Variants in CNTNAP3B observed in about 807,000 individuals in gnomAD.
The protein encoded by CNTNAP3B is contactin associated protein family member 3B.
In CNTNAP3B, 25 loss-of-function variants were observed where a neutral mutation model predicts 108.9. The observed-to-expected ratio is 0.23, with a 90% confidence interval of 0.17 to 0.32. The LOEUF is 0.32. CNTNAP3B is among the 10% of genes least tolerant of loss of function. CNTNAP3B has a pLI of 1.00. For missense variants in CNTNAP3B, 252 were observed against 1,210.4 expected (o/e 0.21, Z 11.75); for synonymous variants, 103 against 473.4 (o/e 0.22, Z 10.16).
At chr9:41,981,912 AT>A (rs2118311365) in intron 9 of CNTNAP3B, among the ~76,000 whole-genome samples, 1 of 44,186 alleles carries the variant, frequency 2.3e-5, no homozygotes, top group Non-Finnish European at 5.0e-5. Flanking sequence ...AATAATAATA[AT>A]AATAAATTAG....
chr9:41,977,857 TC>T (rs1359266282), intron 9 of CNTNAP3B, among the ~76,000 whole-genome samples: 3 of 141,874 alleles, frequency 2.1e-5, no homozygotes, highest in Non-Finnish European at 4.6e-5. Flanking sequence ...GGTCTCGATC[TC>T]CTGACCTTGT....
rs567353232 is a variant in CNTNAP3B at position 42,118,139 on chromosome 9, C to T, written c.85+10871G>A. ...CCATTCCTTCTGAAACTATTCCAAT[C>T]AACAGAAAAAGAGGGAATCCTTCCT... is the stretch of plus-strand genomic sequence containing the variant. On this transcript the variant is annotated intron_variant, in intron 1 of 23. Transcript: ENST00000377561. Among the ~76,000 whole-genome samples, 482 of 139,070 alleles carry T rather than the reference C, an allele frequency of 3.5e-3. 73 individuals are homozygous for T. Among genetic ancestry groups the T allele is most frequent in the Non-Finnish European group, 6.0e-3 (390 of 64,856 alleles). 91.2% of individuals were successfully genotyped at this position (139,070 alleles called of 152,430 possible).
rs200918128 is a variant in CNTNAP3B at position 41,964,874 on chromosome 9, C to T, written c.1650-230G>A. 2.0e-4 allele frequency among the ~76,000 whole-genome samples: 31 copies of T among 152,370 alleles called. No homozygotes were observed. In the East Asian group the frequency reaches 4.6e-3, roughly 23 times the overall value. The stretch of plus-strand genomic sequence containing the variant: ...TTCTGTGACAGCTGAATTTTCAACA[C>T]ATTTCTTTTTTTCTTTGTCCCAAGT... On this transcript the variant is annotated intron_variant, in intron 10 of 23. Transcript: ENST00000377561.
intron 2 of CNTNAP3B, among the ~76,000 whole-genome samples, chr9:42,096,019 G>A (rs1321370778): frequency 7.2e-6 from 1 of 138,768 alleles, no homozygotes; most frequent in African/African-American, 2.9e-5. Context: ...ACCTCAGGCA[G>A]GAACATGGTC....
intron 1 of CNTNAP3B, among the ~76,000 whole-genome samples, chr9:42,114,793 T>A (rs1828276284): frequency 7.3e-6 from 1 of 137,484 alleles, no homozygotes; most frequent in Admixed American, 7.3e-5. Context: ...AAGGAAAGAA[T>A]ATTTACAGTG....
At chr9:41,933,971 T>C (rs1353365800) in intron 14 of CNTNAP3B, among the ~76,000 whole-genome samples, 3 of 142,254 alleles carry the variant, frequency 2.1e-5, no homozygotes, top group Non-Finnish European at 4.6e-5. Context: ...AAACGATATA[T>C]GGCTGCTATA....
chr9:42,124,115 T>C (rs1428609015), intron 1 of CNTNAP3B, among the ~76,000 whole-genome samples: 1 of 139,164 alleles, frequency 7.2e-6, no homozygotes, highest in Non-Finnish European at 1.5e-5. Flanking sequence ...GTAGGCATGC[T>C]ACTTAAATCA....
intron 1 of CNTNAP3B, among the ~76,000 whole-genome samples, chr9:42,125,668 T>TG (rs1230903454): frequency 1.5e-5 from 2 of 137,112 alleles, no homozygotes; most frequent in East Asian, 2.2e-4. Context: ...ATTTTTTGTT[T>TG]TTTTTTTTTT....
At chr9:41,917,346 C>A (rs1437735978) in intron 18 of CNTNAP3B, among the ~76,000 whole-genome samples, 1 of 141,406 alleles carries the variant, frequency 7.1e-6, no homozygotes, top group Non-Finnish European at 1.5e-5. Context: ...GAGTTATCAA[C>A]ATTCTCTTAA....
intron 14 of CNTNAP3B, among the ~76,000 whole-genome samples, chr9:41,934,122 T>TATATATATATATATATATATATAG (rs1214326050): frequency 1.4e-5 from 1 of 73,474 alleles, no homozygotes; most frequent in Admixed American, 1.4e-4. Flanking sequence ...TATATATATA[T>TATATATATATATATATATATATAG]ACACACACAT....
intron 17 of CNTNAP3B, among the ~76,000 whole-genome samples, chr9:41,921,166 C>A (rs1366624708): frequency 1.3e-5 from 2 of 151,860 alleles, no homozygotes. Context: ...GAAGCCAGTG[C>A]TTCATCCACC....
At chr9:42,121,986 C>A (rs1265609059) in intron 1 of CNTNAP3B, among the ~76,000 whole-genome samples, 2 of 139,636 alleles carry the variant, frequency 1.4e-5, no homozygotes, top group East Asian at 4.4e-4. Flanking sequence ...TTCCTTGCCT[C>A]CAAGTCCTCT....
At chr9:42,064,644 C>T (rs1159032480) in intron 3 of CNTNAP3B, among the ~76,000 whole-genome samples, 1 of 117,908 alleles carries the variant, frequency 8.5e-6, no homozygotes, top group East Asian at 2.7e-4. Context: ...TCTATTGTTG[C>T]CATCCTTATA....
In CNTNAP3B at chr9:42,056,172, G is replaced by A. The variant is rs1827062948; in HGVS notation, c.390+20697C>T. Among the ~76,000 whole-genome samples, 5 of 133,232 alleles carry A rather than the reference G, an allele frequency of 3.8e-5. 1 individual carries two copies. The South Asian group carries it at 7.3e-4, about 20-fold the overall frequency. The allele number at this position is 133,232 out of a possible 152,430, so 87.4% of individuals were successfully genotyped here. On this transcript the variant is annotated intron_variant, in intron 3 of 23. Coordinates refer to ENST00000377561, the MANE Select transcript of CNTNAP3B (RefSeq NM_001201380.3). ...AATTTTAAGAGACTTTAAATTTAAT[G>A]CATTAACTATGAAAGTATAGTTGAA...
chr9:42,060,964 A>T, intron 3 of CNTNAP3B, among the ~76,000 whole-genome samples: 2 of 86,010 alleles, frequency 2.3e-5, no homozygotes, highest in Admixed American at 1.3e-4. Flanking sequence ...TTAAAACCTG[A>T]CTTTTATGGA....
chr9:42,123,817 C>T (rs1389470526), intron 1 of CNTNAP3B, among the ~76,000 whole-genome samples: 1 of 130,850 alleles, frequency 7.6e-6, no homozygotes, highest in African/African-American at 3.1e-5. Context: ...TTCAAAACTC[C>T]GTAAAGCATA....
intron 1 of CNTNAP3B, among the ~76,000 whole-genome samples, chr9:42,117,067 A>T (rs1374897898): frequency 7.2e-6 from 1 of 138,878 alleles, no homozygotes; most frequent in Non-Finnish European, 1.5e-5. Context: ...CTTCCACACA[A>T]TAATAATGGG....
At chr9:41,945,642 G>A (rs1587131976) in intron 13 of CNTNAP3B, among the ~76,000 whole-genome samples, 1 of 152,308 alleles carries the variant, frequency 6.6e-6, no homozygotes, top group Non-Finnish European at 1.5e-5. Context: ...GGGAGGAATA[G>A]CATTAGGAGA....
intron 17 of CNTNAP3B, among the ~76,000 whole-genome samples, chr9:41,922,264 G>A (rs1411455085): frequency 8.0e-6 from 1 of 124,360 alleles, no homozygotes; most frequent in South Asian, 2.5e-4. Flanking sequence ...AAGAGATCAC[G>A]ACCATCCTGG....
Sources: gnomAD v4.1 joint callset for allele counts (sites outside exome capture counted in the v4.1 genomes callset) on GRCh38, gnomAD v4.1.1 for gene constraint, MANE v1.5 for transcripts, NCBI Gene and HGNC (gene_info 2026-07-23, HGNC 2026-07-21) for gene names.